RGS7: variants seen among roughly 807,000 people sequenced by gnomAD.
RGS7 encodes regulator of G-protein signaling 7.
In RGS7, 27 loss-of-function variants were observed where a neutral mutation model predicts 81.1. That is an observed-to-expected ratio of 0.33 (90% CI 0.25 to 0.46). The LOEUF is 0.46. RGS7 is among the 20% of genes least tolerant of loss of function. RGS7 has a pLI of 1.00. For missense variants in RGS7, 396 were observed against 607.4 expected, an observed-to-expected ratio of 0.65 and a Z score of 3.66; for synonymous variants, 208 against 207.7, an observed-to-expected ratio of 1.00 and a Z score of -0.01.
chr1:241,341,678 C>A (rs1222241851), intron 2 of RGS7, among the ~76,000 whole-genome samples: 1 of 152,074 alleles, frequency 6.6e-6, no homozygotes, highest in African/African-American at 2.4e-5. Context: ...TATTGTGTGC[C>A]AGGCCCTGTA....
At chr1:241,002,906 G>A (rs987876328) in intron 3 of RGS7, among the ~76,000 whole-genome samples, 1 of 152,068 alleles carries the variant, frequency 6.6e-6, no homozygotes, top group African/African-American at 2.4e-5. Context: ...CAATACATTC[G>A]TAACATGAAA....
intron 6 of RGS7, among the ~76,000 whole-genome samples, chr1:240,896,053 T>C (rs1669041481): frequency 6.6e-6 from 1 of 152,264 alleles, no homozygotes; most frequent in Non-Finnish European, 1.5e-5. Context: ...GATGAGATTT[T>C]TTCATGTGTC....
At chr1:240,989,905 G>A (rs914667228) in intron 3 of RGS7, among the ~76,000 whole-genome samples, 1 of 152,186 alleles carries the variant, frequency 6.6e-6, no homozygotes, top group African/African-American at 2.4e-5. Context: ...CATGGAGGCA[G>A]AGACTGTCAT....
chr1:241,228,258 T>C (rs1417625875), intron 2 of RGS7, among the ~76,000 whole-genome samples: 1 of 152,200 alleles, frequency 6.6e-6, no homozygotes, highest in Non-Finnish European at 1.5e-5. Context: ...AGGAAATCAT[T>C]GTAGAAGTGA....
intron 2 of RGS7, among the ~76,000 whole-genome samples, chr1:241,190,044 A>G (rs938803340): frequency 2.6e-5 from 4 of 152,028 alleles, no homozygotes; most frequent in African/African-American, 7.2e-5. Flanking sequence ...CGGAGCTTGC[A>G]GTGAGCCGAG....
intron 2 of RGS7, among the ~76,000 whole-genome samples, chr1:241,197,151 A>T (rs1230412179): frequency 1.3e-5 from 2 of 151,818 alleles, no homozygotes; most frequent in Non-Finnish European, 3.0e-5. Context: ...TTTAAAAAAT[A>T]ATTATATGAC....
At position 241,068,179 on chromosome 1, in the gene RGS7, T is replaced by C. The variant is rs150886210; in HGVS notation, c.175+30487A>G. ...TTAATTCAGTGGGTCAGTATTTTTA[T>C]CAGAGAGAGTAAACTTTACTTTGCT... is the stretch of plus-strand genomic sequence containing the variant. On this transcript the variant is annotated intron_variant, in intron 3 of 18. Coordinates refer to ENST00000440928, the MANE Select transcript of RGS7 (RefSeq NM_001364886.1). Among the ~76,000 whole-genome samples the C allele has an allele frequency of 8.9e-3, 1,264 of 142,172 alleles. 11 individuals are homozygous for C. Among genetic ancestry groups the C allele is most frequent in the Middle Eastern group, 0.019 (5 of 270 alleles). The allele number at this position is 142,172 out of a possible 152,430, so 93.3% of individuals were successfully genotyped here. A position where few individuals can be genotyped will look rare whatever the true frequency, so the allele number is the denominator to read the frequency against.
At chr1:240,950,975 GT>G (rs985748228) in intron 4 of RGS7, among the ~76,000 whole-genome samples, 1 of 151,482 alleles carries the variant, frequency 6.6e-6, no homozygotes, top group Non-Finnish European at 1.5e-5. Flanking sequence ...CAGCTGGAGT[GT>G]AGTAGTGTGA....
intron 18 of RGS7, among the ~76,000 whole-genome samples, chr1:240,794,428 A>G (rs1473153753): frequency 2.0e-5 from 3 of 152,210 alleles, no homozygotes; most frequent in African/African-American, 4.8e-5. Flanking sequence ...AATGATATCA[A>G]TGTAGCAGAT....
In RGS7 at chr1:240,859,234, A is replaced by G. The variant is rs554409529; in HGVS notation, c.609+9353T>C. On this transcript the variant is annotated intron_variant, in intron 9 of 18. Coordinates refer to ENST00000440928, the MANE Select transcript of RGS7 (RefSeq NM_001364886.1). ...AGACTGGTCTTGAACAACTGGGCTCAACTGATCCTCCTGTCTCGGCCTCCC... is the reference window on the plus strand; with the variant it reads ...AGACTGGTCTTGAACAACTGGGCTCGACTGATCCTCCTGTCTCGGCCTCCC... Among the ~76,000 whole-genome samples the G allele has an allele frequency of 2.7e-3, 408 of 152,174 alleles. 5 individuals carry two copies. Among genetic ancestry groups the G allele is most frequent in the Middle Eastern group, 0.017 (5 of 294 alleles).
At chr1:241,289,367 T>C (rs2078978566) in intron 2 of RGS7, among the ~76,000 whole-genome samples, 1 of 152,218 alleles carries the variant, frequency 6.6e-6, no homozygotes, top group Non-Finnish European at 1.5e-5. Context: ...TCCAGTCATC[T>C]GGGAAACTCC....
At chr1:240,838,764 T>A (rs570407478) in intron 9 of RGS7, among the ~76,000 whole-genome samples, 16 of 151,546 alleles carry the variant, frequency 1.1e-4, no homozygotes, top group South Asian at 2.1e-4. Context: ...ATGCTTATTT[T>A]TTATTATTTT....
chr1:241,133,878 C>T (rs2067295877), intron 2 of RGS7, among the ~76,000 whole-genome samples: 1 of 152,038 alleles, frequency 6.6e-6, no homozygotes, highest in Admixed American at 6.6e-5. Context: ...AATTCAAAAA[C>T]TAGCTTCAAA....
intron 4 of RGS7, among the ~76,000 whole-genome samples, chr1:240,939,909 A>AAAAAAAT (rs2148390780): frequency 6.6e-6 from 1 of 151,958 alleles, no homozygotes; most frequent in Non-Finnish European, 1.5e-5. Flanking sequence ...GTCTCTACTA[A>AAAAAAAT]AAAAAATAAA....
chr1:240,868,731 G>C lies in RGS7; in HGVS notation c.527+45C>G, dbSNP rs774220797. On this transcript the variant is annotated intron_variant, in intron 8 of 18. Coordinates refer to ENST00000440928, the MANE Select transcript of RGS7 (RefSeq NM_001364886.1). The surrounding 1 kb of genome is among the most constrained non-coding windows in gnomAD (Gnocchi z 5.1). ...ATTGTAGTGCCTCTCTGAACAAAAA[G>C]GCCACAACTGGAACAAATCTTCCAA... 33 of 1,612,040 alleles carry C rather than the reference G, an allele frequency of 2.0e-5. No homozygotes were observed. The highest frequency in any genetic ancestry group is 2.7e-5 in the Non-Finnish European group (32 of 1,178,224).
chr1:240,981,389 C>G (rs1684894902), intron 4 of RGS7, among the ~76,000 whole-genome samples: 2 of 152,096 alleles, frequency 1.3e-5, no homozygotes, highest in South Asian at 4.2e-4. Context: ...GGATTATAGG[C>G]ATGAGTCACC....
intron 3 of RGS7, among the ~76,000 whole-genome samples, chr1:241,018,483 T>C (rs2059379576): frequency 6.6e-6 from 1 of 152,180 alleles, no homozygotes; most frequent in African/African-American, 2.4e-5. Context: ...GGCTTTAAAT[T>C]CCTCTAGTGT....
At chr1:241,102,493 G>A (rs1299238186) in intron 2 of RGS7, among the ~76,000 whole-genome samples, 2 of 152,186 alleles carry the variant, frequency 1.3e-5, no homozygotes, top group Non-Finnish European at 2.9e-5. Context: ...CATTGATAAT[G>A]TTGATTAATG....
chr1:241,075,974 G>C (rs2062775000), intron 3 of RGS7, among the ~76,000 whole-genome samples: 1 of 152,076 alleles, frequency 6.6e-6, no homozygotes, highest in Non-Finnish European at 1.5e-5. Context: ...TTGGCTCTTG[G>C]AGTGATACAT....
Sources: gnomAD v4.1 joint callset for allele counts (sites outside exome capture counted in the v4.1 genomes callset) on GRCh38, gnomAD v4.1.1 for gene constraint, Gnocchi (gnomAD v3.1) non-coding constraint, MANE v1.5 for transcripts, NCBI Gene and HGNC (gene_info 2026-07-23, HGNC 2026-07-21) for gene names.